Variants in TSHZ2 observed in about 807,000 individuals in gnomAD.
The protein encoded by TSHZ2 is teashirt homolog 2.
TSHZ2 carries 21 observed loss-of-function variants against 74.4 expected under a neutral mutation model. The ratio of observed to expected loss-of-function variants is 0.28; its 90% CI spans 0.20 to 0.41. The LOEUF (loss-of-function observed/expected upper bound fraction) is 0.41, where lower values mean the gene tolerates loss of function less well. Among genes scored for constraint, TSHZ2 ranks in the 10% least tolerant of loss-of-function variants. The probability of loss-of-function intolerance (pLI) is 1.00; values close to 1 mark genes in which losing one functional copy is unlikely to be tolerated. For missense variants in TSHZ2, 1,244 were observed against 1,293.5 expected (o/e 0.96, Z 0.59); for synonymous variants, 540 against 515.3 (o/e 1.05, Z -0.65).
At chr20:53,249,138 G>A (rs1990268599) in intron 1 of TSHZ2, among the ~76,000 whole-genome samples, 1 of 152,158 alleles carries the variant, frequency 6.6e-6, no homozygotes, top group South Asian at 2.1e-4. Context: ...TCGGCACACA[G>A]CCGATACTCT....
At chr20:53,468,759 G>A (rs2145830132) in intron 2 of TSHZ2, among the ~76,000 whole-genome samples, 1 of 150,184 alleles carries the variant, frequency 6.7e-6, no homozygotes, top group East Asian at 1.9e-4. Flanking sequence ...GGGTCGTCTG[G>A]TTTGTGTCAT....
At chr20:52,989,498 A>G (rs570240163) in intron 1 of TSHZ2, among the ~76,000 whole-genome samples, 169 of 152,376 alleles carry the variant, frequency 1.1e-3, no homozygotes, top group Non-Finnish European at 2.0e-3. Context: ...AAAATAATTA[A>G]GCTTTACAAA....
rs571592715 is a variant in TSHZ2 at position 53,033,106 on chromosome 20, TTAAG to T, written c.40+59780_40+59783del. ...ATAGAACTTGATTAATCCAAACAGA[TTAAG>T]TAAGTAGATGCTATGATTTGAATTC... On this transcript the variant is annotated intron_variant, in intron 1 of 2. Coordinates refer to ENST00000371497, the MANE Select transcript of TSHZ2 (RefSeq NM_173485.6). Among the ~76,000 whole-genome samples, 104 of 152,296 alleles carry T rather than the reference TTAAG, an allele frequency of 6.8e-4. No individual in the cohort carries two copies. The East Asian group carries it at 0.018, about 27-fold the overall frequency.
chr20:53,483,408 G>A (rs1986210600), intron 2 of TSHZ2, among the ~76,000 whole-genome samples: 1 of 152,174 alleles, frequency 6.6e-6, no homozygotes, highest in Admixed American at 6.5e-5. Context: ...CTACTCAGGA[G>A]GCTAACGTGG....
At chr20:53,456,204 A>C (rs1437740513) in intron 2 of TSHZ2, among the ~76,000 whole-genome samples, 11 of 150,048 alleles carry the variant, frequency 7.3e-5, no homozygotes, top group Admixed American at 2.6e-4. Flanking sequence ...CTATTTCTCC[A>C]CATCCTCTCC....
At chr20:53,346,391 A>G (rs1424431901) in intron 2 of TSHZ2, among the ~76,000 whole-genome samples, 1 of 152,204 alleles carries the variant, frequency 6.6e-6, no homozygotes, top group Non-Finnish European at 1.5e-5. Context: ...ACGGCCCTCG[A>G]AGCCAGCACG....
At chr20:53,216,122 G>A (rs114464990) in intron 1 of TSHZ2, among the ~76,000 whole-genome samples, 1,835 of 152,242 alleles carry the variant, frequency 0.012, 29 homozygotes, top group African/African-American at 0.042. Context: ...TCCTCAGAAT[G>A]AGGAATAGAA....
intron 2 of TSHZ2, among the ~76,000 whole-genome samples, chr20:53,457,188 G>C (rs202192632): frequency 0.081 from 11,614 of 143,588 alleles, 1,231 homozygotes; most frequent in South Asian, 0.24. Flanking sequence ...TCCTACCCAT[G>C]AGCATGGAAT....
Position 53,350,791 on chromosome 20 carries a change from T to G in TSHZ2, c.*8+94220T>G. 1.3e-5 allele frequency among the ~76,000 whole-genome samples: 2 copies of G among 152,254 alleles called. 1 individual carries two copies. Among genetic ancestry groups the G allele is most frequent in the Non-Finnish European group, 2.9e-5 (2 of 68,044 alleles). On this transcript the variant is annotated intron_variant, in intron 2 of 2. Coordinates refer to ENST00000371497, the MANE Select transcript of TSHZ2 (RefSeq NM_173485.6). ...TGTTTCACCAATATCCCACCTGGAA[T>G]ATCCTGTATTTCTCTGAATATTATA... is the stretch of plus-strand genomic sequence containing the variant.
intron 1 of TSHZ2, among the ~76,000 whole-genome samples, chr20:53,055,163 A>G (rs1600668251): frequency 6.6e-6 from 1 of 151,984 alleles, no homozygotes; most frequent in African/African-American, 2.4e-5. Context: ...AAAATAATTA[A>G]CCCTCTATCC....
At chr20:53,317,696 T>C (rs561587426) in intron 2 of TSHZ2, among the ~76,000 whole-genome samples, 1 of 152,296 alleles carries the variant, frequency 6.6e-6, no homozygotes, top group South Asian at 2.1e-4. Flanking sequence ...TCGGCGTGAA[T>C]TGTATTACAA....
chr20:53,324,271 C>T (rs1222137346), intron 2 of TSHZ2, among the ~76,000 whole-genome samples: 1 of 152,168 alleles, frequency 6.6e-6, no homozygotes, highest in Admixed American at 6.5e-5. Flanking sequence ...CTCCACTGGG[C>T]ACAGCACTCA....
At chr20:53,245,170 T>G (rs1241282271) in intron 1 of TSHZ2, among the ~76,000 whole-genome samples, 1 of 152,194 alleles carries the variant, frequency 6.6e-6, no homozygotes, top group Non-Finnish European at 1.5e-5. Flanking sequence ...CTAAAGCATC[T>G]TAAGAAGCAG....
At chr20:53,408,639 G>A (rs533511994) in intron 2 of TSHZ2, among the ~76,000 whole-genome samples, 4 of 152,288 alleles carry the variant, frequency 2.6e-5, no homozygotes, top group South Asian at 2.1e-4. Context: ...GGGCCAAACC[G>A]TTGGGCTCCT....
In TSHZ2 at chr20:53,489,107, C is replaced by T. The variant is rs866341557; in HGVS notation, c.*1972C>T. 2.2e-6 allele frequency: 1 copy of T among 456,204 alleles called. No individual in the cohort carries two copies. Among genetic ancestry groups the T allele is most frequent in the South Asian group, 1.5e-5 (1 of 64,570 alleles). The allele number at this position is 456,204 out of a possible 1,614,324, so 28.3% of individuals were successfully genotyped here. A position where few individuals can be genotyped will look rare whatever the true frequency, so the allele number is the denominator to read the frequency against. ...TCAGCACTCATCCATCAATCAATCA[C>T]CCACAAGGAAAAATAGCAACAGTAC... On this transcript the variant is annotated 3_prime_UTR_variant, in exon 3 of 3. Coordinates refer to ENST00000371497, the MANE Select transcript of TSHZ2 (RefSeq NM_173485.6).
At chr20:53,259,850 G>A (rs943824963) in intron 2 of TSHZ2, among the ~76,000 whole-genome samples, 1 of 152,094 alleles carries the variant, frequency 6.6e-6, no homozygotes, top group African/African-American at 2.4e-5. Context: ...AAATTTAACT[G>A]GGCATCCTGT....
At chr20:53,275,167 G>A (rs1216806414) in intron 2 of TSHZ2, among the ~76,000 whole-genome samples, 5 of 152,094 alleles carry the variant, frequency 3.3e-5, no homozygotes, top group Non-Finnish European at 7.3e-5. Context: ...GGAAGACACT[G>A]GAAAAGCTCT....
At chr20:53,188,481 C>A (rs191885005) in intron 1 of TSHZ2, among the ~76,000 whole-genome samples, 1 of 152,146 alleles carries the variant, frequency 6.6e-6, no homozygotes, top group Non-Finnish European at 1.5e-5. Flanking sequence ...GACAGAGAAG[C>A]TTTTTGGTGA....
intron 1 of TSHZ2, among the ~76,000 whole-genome samples, chr20:53,149,892 T>C (rs1026610338): frequency 6.6e-6 from 1 of 152,186 alleles, no homozygotes; most frequent in Non-Finnish European, 1.5e-5. Flanking sequence ...GCTTCTCTCC[T>C]CTTGGCATGA....
Sources: gnomAD v4.1 joint callset for allele counts (sites outside exome capture counted in the v4.1 genomes callset) on GRCh38, gnomAD v4.1.1 for gene constraint, MANE v1.5 for transcripts, NCBI Gene and HGNC (gene_info 2026-07-23, HGNC 2026-07-21) for gene names.